The following CTPS1 variants were observed in gnomAD, a reference collection of about 807,000 sequenced individuals.
CTPS1 encodes CTP synthase 1, also known as CTP synthetase 1.
Under a neutral mutation model 80.5 loss-of-function variants are expected in CTPS1, and 25 were observed. The ratio of observed to expected loss-of-function variants is 0.31; its 90% confidence interval spans 0.23 to 0.43. The LOEUF (loss-of-function observed/expected upper bound fraction) is 0.43. Ranked by LOEUF, CTPS1 falls within the 20% of genes least tolerant of loss-of-function variation. The pLI, the probability that CTPS1 is intolerant of heterozygous loss-of-function variation, is 1.00. For missense variants in CTPS1, 442 were observed against 725.7 expected, an observed-to-expected ratio of 0.61 and a Z score of 4.49; for synonymous variants, 267 against 252.5, an observed-to-expected ratio of 1.06 and a Z score of -0.54.
At chr1:40,993,999 G>A (rs569274890) in intron 7 of CTPS1, among the ~76,000 whole-genome samples, 10 of 151,894 alleles carry the variant, frequency 6.6e-5, no homozygotes, top group Non-Finnish European at 1.5e-4. Flanking sequence ...GGCTGGTTGC[G>A]AACTCCTGAC....
chr1:40,984,209 A>T (rs955258116), intron 2 of CTPS1, among the ~76,000 whole-genome samples: 1 of 152,186 alleles, frequency 6.6e-6, no homozygotes, highest in African/African-American at 2.4e-5. Flanking sequence ...AGAAAATGAG[A>T]CTTTTTTTCC....
chr1:40,995,091 A>G (rs995896013), intron 7 of CTPS1, among the ~76,000 whole-genome samples: 19 of 152,072 alleles, frequency 1.2e-4, no homozygotes, highest in Middle Eastern at 3.2e-3. Flanking sequence ...TGGGCTTTTG[A>G]CCTTTTATAA....
In CTPS1 at chr1:40,997,602, T is replaced by C. The variant is rs1012309936; in HGVS notation, c.1005+76T>C. ...GTAGTCTCGTAGGTGCTGTGTCATA[T>C]CTGCTTTCTGTTTGGAGCTCAGAAT... On this transcript the variant is annotated intron_variant, in intron 9 of 18. Coordinates refer to ENST00000650070, the MANE Select transcript of CTPS1 (RefSeq NM_001905.4). 9.4e-6 allele frequency: 14 copies of C among 1,492,240 alleles called. No individual in the cohort carries two copies. In the Admixed American group the frequency reaches 1.2e-4, roughly 12 times the overall value. The allele number at this position is 1,492,240 out of a possible 1,614,324, so 92.4% of individuals were successfully genotyped here. A position where few individuals can be genotyped will look rare whatever the true frequency, so the allele number is the denominator to read the frequency against.
chr1:40,991,840 G>T lies in CTPS1; in HGVS notation c.715G>T (p.Glu239Ter), dbSNP rs756348375. The change falls in exon 7 of 19, where the codon GAA becomes TAA. Residue 239 changes from glutamate (E) to a stop codon, truncating the protein, a stop_gained. Coordinates refer to ENST00000650070, the MANE Select transcript of CTPS1 (RefSeq NM_001905.4). LOFTEE classifies it high-confidence loss of function. ...ATCAATGTTCTGCCATGTTGAGCCT[G>T]AACAAGTGAGTAGAAATTCCCATCT... ...KISMFCHVEP[E>*]QVICVHDVSS... The T allele has an allele frequency of 5.6e-6, 9 of 1,612,670 alleles. No individual in the cohort carries two copies. Among genetic ancestry groups the T allele is most frequent in the Non-Finnish European group, 7.6e-6 (9 of 1,178,772 alleles).
Position 40,996,037 on chromosome 1 carries a change from A to G in CTPS1, c.841A>G (p.Met281Val). 1 of 1,614,198 alleles carries G rather than the reference A, an allele frequency of 6.2e-7. No individual in the cohort carries two copies. Residue 281 changes from methionine (M) to valine (V), a missense_variant, in exon 8 of 19, where the codon ATG (methionine) becomes GTG (valine). Physicochemically the swap from Met to Val is conservative, Grantham distance 21 (BLOSUM62 1). Around this residue, in one of 4 missense-constraint regions of CTPS1, gnomAD observed 321 missense variants for 467.2 expected, o/e 0.69. Coordinates refer to ENST00000650070, the MANE Select transcript of CTPS1 (RefSeq NM_001905.4). ...DLPIERQPRK[M>V]LMKWKEMADR... ...TCCTATTGAGAGGCAGCCAAGAAAA[A>G]TGCTGATGAAATGGAAAGAGATGGC...
chr1:41,002,086 G>A, intron 10 of CTPS1, 74 bp from the exon 11 acceptor site: 1 of 1,311,528 alleles, frequency 7.6e-7, no homozygotes, highest in East Asian at 2.3e-5. Context: ...CTTGGTAATG[G>A]CCCGTTAGGC....
chr1:40,988,569 C>T (rs1642518183), intron 4 of CTPS1, 25 bp from the exon 5 acceptor site: 1 of 1,555,068 alleles, frequency 6.4e-7, no homozygotes, highest in African/African-American at 1.4e-5. Context: ...AGTGCCTAAC[C>T]TCTGAAACAA....
At chr1:40,982,007 T>G (rs1363908318) in intron 1 of CTPS1, 1 of 1,289,078 alleles carries the variant, frequency 7.8e-7, no homozygotes, top group South Asian at 1.2e-5. Context: ...AAGCATTTTC[T>G]GCTACTTTCT....
rs12735455 is a variant in CTPS1, at chr1:41,000,878, T to A, written c.1006-151T>A. On this transcript the variant is annotated intron_variant, in intron 9 of 18. Coordinates refer to ENST00000650070, the MANE Select transcript of CTPS1 (RefSeq NM_001905.4). ...TGTTTAAGTTATTAAATATATTAAG[T>A]TGATCACTTTAAAGCCAGTATTAAG... 161,978 of 421,930 alleles carry A rather than the reference T, an allele frequency of 0.38. 33,368 individuals carry two copies. Among genetic ancestry groups the A allele is most frequent in the Admixed American group, 0.51 (11,755 of 23,152 alleles). The allele number at this position is 421,930 out of a possible 1,614,324, so 26.1% of individuals were successfully genotyped here.
intron 17 of CTPS1, among the ~76,000 whole-genome samples, chr1:41,009,842 C>T (rs560321480): frequency 3.9e-5 from 6 of 152,284 alleles, no homozygotes; most frequent in African/African-American, 1.2e-4. Context: ...CCCTCTGGTC[C>T]ATGTTAAGGG....
intron 12 of CTPS1, 65 bp downstream of exon 12, chr1:41,003,241 T>C: frequency 6.4e-7 from 1 of 1,565,798 alleles, no homozygotes; most frequent in Non-Finnish European, 8.8e-7. Flanking sequence ...ATGAGGCCTG[T>C]TGCCGCCTGG....
chr1:40,980,597 G>A (rs1293483479), intron 1 of CTPS1: 1 of 152,242 alleles, frequency 6.6e-6, no homozygotes, highest in Non-Finnish European at 1.5e-5. Context: ...CAAGTGACAT[G>A]ATTGAGGTCT....
In CTPS1 at chr1:41,001,101, A is replaced by T; in HGVS notation, c.1078A>T (p.Lys360Ter). ...EPVRYHEAWQ[K>*]LCSAHGVLVP... Reference sequence around the variant, plus strand: ...CGTGCGCTACCACGAAGCTTGGCAGAAGCTCTGTAGTGCTCAGTGAGTAGA... The same window carrying T: ...CGTGCGCTACCACGAAGCTTGGCAGTAGCTCTGTAGTGCTCAGTGAGTAGA... The change falls in exon 10 of 19, where the codon AAG (lysine) becomes TAG (stop). Residue 360 changes from lysine to a stop codon, truncating the protein, a stop_gained. Coordinates refer to ENST00000650070, the MANE Select transcript of CTPS1 (RefSeq NM_001905.4). LOFTEE classifies it high-confidence loss of function. 6.2e-7 allele frequency: 1 copy of T among 1,611,916 alleles called. No homozygotes were observed. Among genetic ancestry groups the T allele is most frequent in the South Asian group, 1.1e-5 (1 of 90,776 alleles).
At chr1:41,009,676 C>A in intron 17 of CTPS1, 87 bp downstream of exon 17, 1 of 1,506,260 alleles carries the variant, frequency 6.6e-7, no homozygotes, top group South Asian at 1.2e-5. Flanking sequence ...ACGTCACAGT[C>A]AGTCATAAGA....
intron 4 of CTPS1, 64 bp downstream of exon 4, chr1:40,987,536 G>C: frequency 8.4e-7 from 1 of 1,194,632 alleles, no homozygotes; most frequent in Non-Finnish European, 1.2e-6. Context: ...ATCAATAACT[G>C]ATAAGACAGT....
intron 3 of CTPS1, among the ~76,000 whole-genome samples, chr1:40,985,655 T>C (rs1406555752): frequency 6.6e-6 from 1 of 151,988 alleles, no homozygotes; most frequent in Non-Finnish European, 1.5e-5. Context: ...TTAATCTGAG[T>C]TATGAGAGCA....
intron 14 of CTPS1, among the ~76,000 whole-genome samples, chr1:41,008,239 T>G (rs996342146): frequency 6.6e-6 from 1 of 152,222 alleles, no homozygotes; most frequent in African/African-American, 2.4e-5. Context: ...TGAGGGCTGA[T>G]GACCTTTGAT....
rs537863776 is a variant in CTPS1 at position 41,011,957 on chromosome 1, G to A, written c.*309G>A. ...GGTCACCTTGTTTCTCAACTACCTC[G>A]CATCATTGCAGATGCTAGCGCGTTG... is the stretch of plus-strand genomic sequence containing the variant. On this transcript the variant is annotated 3_prime_UTR_variant, in exon 19 of 19. Coordinates refer to ENST00000650070, the MANE Select transcript of CTPS1 (RefSeq NM_001905.4). 9 of 152,254 alleles carry A rather than the reference G, an allele frequency of 5.9e-5. No individual in the cohort carries two copies. The highest frequency in any genetic ancestry group is 3.9e-4 in the East Asian group (2 of 5,178). The allele number at this position is 152,254 out of a possible 1,614,324, so 9.4% of individuals were successfully genotyped here.
intron 5 of CTPS1, 55 bp downstream of exon 5, chr1:40,988,765 G>A: frequency 8.5e-7 from 1 of 1,172,778 alleles, no homozygotes; most frequent in Non-Finnish European, 1.3e-6. Context: ...AGGGAGGAAA[G>A]GTAAACCGGA....
Sources: allele counts gnomAD v4.1 joint callset (sites outside exome capture counted in the v4.1 genomes callset), GRCh38; gene constraint gnomAD v4.1.1; regional missense constraint gnomAD v4.1.1; transcripts MANE v1.5; gene names NCBI Gene and HGNC (gene_info 2026-07-23, HGNC 2026-07-21).